The following PTX4 variants were observed in gnomAD, a reference collection of about 807,000 sequenced individuals.
PTX4 encodes the protein pentraxin-4.
In PTX4, 23 loss-of-function variants were observed where a neutral mutation model predicts 19.1. The observed-to-expected ratio is 1.20, with a 90% CI of 0.87 to 1.70. PTX4 has a LOEUF of 1.70. Ranked by LOEUF, PTX4 falls within the 40% of genes most tolerant of loss-of-function variation. PTX4 has a pLI of 0.00. For missense variants in PTX4, 678 were observed against 610.5 expected (o/e 1.11, Z -1.17); for synonymous variants, 317 against 279.6 (o/e 1.13, Z -1.33).
chr16:1,488,691 A>G (rs2667675), intron 1 of PTX4, 78 bp downstream of exon 1: 1 of 637,742 alleles, frequency 1.6e-6, no homozygotes, highest in Non-Finnish European at 2.9e-6. Flanking sequence ...ATGTTTACCA[A>G]TCTGCTTCTG....
Position 1,485,926 on chromosome 16 carries a change from G to C in PTX4, c.*13C>G, listed in dbSNP as rs57192650. On this transcript the variant is annotated 3_prime_UTR_variant, in exon 3 of 3. Coordinates refer to ENST00000447419, the MANE Select transcript of PTX4 (RefSeq NM_001328608.2). ...GCTGCCCTTGCTGGCCTCAGCCCCC[G>C]TGCGGCTCGGCCTCAGGGACAGCGT... is the stretch of plus-strand genomic sequence containing the variant. 1.3e-6 allele frequency: 2 copies of C among 1,589,352 alleles called. No individual in the cohort carries two copies. The highest frequency in any genetic ancestry group is 1.7e-6 in the Non-Finnish European group (2 of 1,169,908).
intron 1 of PTX4, 104 bp from the exon 2 acceptor site, chr16:1,488,074 G>C: frequency 1.6e-6 from 2 of 1,239,834 alleles, no homozygotes; most frequent in Non-Finnish European, 1.1e-6. Flanking sequence ...CCGCGTGCCC[G>C]GGCCACGGCC....
intron 1 of PTX4, 33 bp from the exon 2 acceptor site, chr16:1,488,003 C>G (rs2039266181): frequency 6.5e-7 from 1 of 1,527,094 alleles, no homozygotes; most frequent in Admixed American, 2.0e-5. Flanking sequence ...ATGGGGCGGG[C>G]CGGGCCGGGC....
intron 2 of PTX4, 131 bp downstream of exon 2, chr16:1,487,185 A>C: frequency 2.3e-6 from 2 of 865,232 alleles, no homozygotes; most frequent in Non-Finnish European, 1.6e-6. Flanking sequence ...ACCCCCCCCG[A>C]TGATCCGAGA....
Position 1,487,878 on chromosome 16 carries a change from G to A in PTX4, c.234C>T (p.Ser78=). The A allele has an allele frequency of 6.2e-7, 1 of 1,613,002 alleles. No individual in the cohort carries two copies. The highest frequency in any genetic ancestry group is 8.5e-7 in the Non-Finnish European group (1 of 1,179,910). Residue 78 remains serine (S), a synonymous_variant, in exon 2 of 3, where the codon AGC becomes AGT. Coordinates refer to ENST00000447419, the MANE Select transcript of PTX4 (RefSeq NM_001328608.2). ...CCACAGCCTGGCTCTCTTCCGCCAG[G>A]CTCCGGAACCGGACGTCAACGTTGT... The part of the protein sequence containing the change: ...VSYNVDVRFR[S]LAEESQAVAQ...
intron 1 of PTX4, chr16:1,488,295 G>A (rs1040498): frequency 0.052 from 82,897 of 1,595,250 alleles, 6,560 homozygotes; most frequent in African/African-American, 0.37. Flanking sequence ...AGCAGGGGAC[G>A]GCAGGGTGGC....
chr16:1,487,107 C>T (rs2039252942), intron 2 of PTX4, among the ~76,000 whole-genome samples: 1 of 152,200 alleles, frequency 6.6e-6, no homozygotes, highest in South Asian at 2.1e-4. Flanking sequence ...CTGCTTCTGC[C>T]CTCACGCCCT....
chr16:1,485,892 TG>T lies in PTX4; in HGVS notation c.*46del. ...GGGGAGGGCGGTGGCGGAATGTGGA[TG>T]GGGGCATGCTGCCCTTGCTGGCCTC... On this transcript the variant is annotated 3_prime_UTR_variant, in exon 3 of 3. Transcript: ENST00000447419. The T allele has an allele frequency of 6.5e-7, 1 of 1,550,130 alleles. No homozygotes were observed. The highest frequency in any genetic ancestry group is 8.7e-7 in the Non-Finnish European group (1 of 1,148,924).
At chr16:1,488,096 T>C (rs1349466711) in intron 1 of PTX4, 126 bp from the exon 2 acceptor site, 1 of 1,093,692 alleles carries the variant, frequency 9.1e-7, no homozygotes, top group African/African-American at 1.6e-5. Flanking sequence ...GCACTGGCTA[T>C]CTGCCCACCG....
rs776098434 is a variant in PTX4, at chr16:1,487,996, G to A, written c.142-26C>T. ...CTGTAAGGAGGACACGGTGATGATG[G>A]GGCGGGCCGGGCCGGGCCGGCTGGG... On this transcript the variant is annotated intron_variant, in intron 1 of 2. Transcript: ENST00000447419. 3 of 1,539,454 alleles carry A rather than the reference G, an allele frequency of 1.9e-6. No individual in the cohort carries two copies. In the African/African-American group the frequency reaches 4.1e-5, roughly 21 times the overall value.
In PTX4 at chr16:1,486,547, T is replaced by C. The variant is rs751887993; in HGVS notation, c.829A>G (p.Asn277Asp). The change falls in exon 3 of 3, where the codon AAC (asparagine) becomes GAC (aspartate). Residue 277 changes from asparagine to aspartate, a missense_variant. Physicochemically the swap from Asn to Asp is conservative, Grantham distance 23. Transcript: ENST00000447419. Reference protein sequence around the residue: ...CGVGPTLVFPNASTRNVVFLS... With the variant: ...CGVGPTLVFPDASTRNVVFLS... ...AAGACCACGTTCCTGGTGGAGGCGT[T>C]TGGGAAAACGAGGGTGGGGCCCACG... is the stretch of plus-strand genomic sequence containing the variant. 5.8e-6 allele frequency: 9 copies of C among 1,560,944 alleles called. No homozygotes were observed. The East Asian group carries it at 2.0e-4, about 35-fold the overall frequency.
Position 1,487,495 on chromosome 16 carries a change from A to T in PTX4, c.617T>A (p.Leu206His). ...PEELGPTSLK[L>H]QRDRQELRAA... ...TCGGAGCTCCTGCCTGTCCCTCTGA[A>T]GCTTCAGGGAGGTCGGGCCCAGCTC... Residue 206 changes from leucine (L) to histidine (H), a missense_variant, in exon 2 of 3, where the codon CTT (leucine) becomes CAT (histidine). Leu to His is a moderately conservative substitution (Grantham distance 99). Transcript: ENST00000447419. The T allele has an allele frequency of 7.3e-6, 11 of 1,507,558 alleles. No homozygotes were observed. The highest frequency in any genetic ancestry group is 9.7e-6 in the Non-Finnish European group (11 of 1,129,214). The allele number at this position is 1,507,558 out of a possible 1,614,324, so 93.4% of individuals were successfully genotyped here.
intron 1 of PTX4, 55 bp from the exon 2 acceptor site, chr16:1,488,025 G>T (rs2039266363): frequency 1.3e-6 from 2 of 1,499,334 alleles, no homozygotes; most frequent in South Asian, 2.6e-5. Flanking sequence ...GGCTGGGCGG[G>T]ACGGGAAAGG....
At chr16:1,488,057 G>T in intron 1 of PTX4, 87 bp from the exon 2 acceptor site, 1 of 1,378,356 alleles carries the variant, frequency 7.3e-7, no homozygotes, top group Non-Finnish European at 9.8e-7. Flanking sequence ...CAAGTTGGGA[G>T]CAGCGGCCGC....
Position 1,486,178 on chromosome 16 carries a change from AC to A in PTX4, c.1197del (p.Ser400ProfsTer55). 1 of 1,613,670 alleles carries A rather than the reference AC, an allele frequency of 6.2e-7. No individual in the cohort carries two copies. Among genetic ancestry groups the A allele is most frequent in the South Asian group, 1.1e-5 (1 of 91,026 alleles). On this transcript the variant is annotated frameshift_variant, in exon 3 of 3. Transcript: ENST00000447419. LOFTEE classifies it low-confidence loss of function (END_TRUNC). ...TCTTGTTCCTGGCCCAGCACGAGGG[AC>A]CCTCCGGGGGGGATCTCATAGCCCT... ...FREGYEIPPGGSLVLGQEQDS... is the reference protein window; with the variant it reads ...FREGYEIPPGXSLVLGQEQDS...
chr16:1,487,260 T>G (rs1460040615), intron 2 of PTX4, 56 bp downstream of exon 2: 2 of 1,444,752 alleles, frequency 1.4e-6, no homozygotes, highest in Non-Finnish European at 1.8e-6. Flanking sequence ...GGGGGCCTGG[T>G]CTAAGGAGGA....
At chr16:1,488,525 T>G in intron 1 of PTX4, 2 of 1,522,212 alleles carry the variant, frequency 1.3e-6, no homozygotes, top group Non-Finnish European at 1.8e-6. Context: ...GACCCCCTTC[T>G]AGCCTCTGGC....
At chr16:1,486,776 G>A (rs1299553606) in intron 2 of PTX4, among the ~76,000 whole-genome samples, 197 bp from the exon 3 acceptor site, 2 of 152,192 alleles carry the variant, frequency 1.3e-5, no homozygotes, top group Admixed American at 1.3e-4. Context: ...AGTTCCACAG[G>A]CGGGAAGACT....
chr16:1,487,184 G>A (rs2039253573), intron 2 of PTX4, 132 bp downstream of exon 2: 2 of 847,470 alleles, frequency 2.4e-6, no homozygotes, highest in Non-Finnish European at 3.3e-6. Context: ...CACCCCCCCC[G>A]ATGATCCGAG....
Sources: allele counts gnomAD v4.1 joint callset (sites outside exome capture counted in the v4.1 genomes callset), GRCh38; gene constraint gnomAD v4.1.1; transcripts MANE v1.5; gene names NCBI Gene and HGNC (gene_info 2026-07-23, HGNC 2026-07-21).